The following DAZAP1 variants were observed in gnomAD, a reference collection of about 807,000 sequenced individuals.
DAZAP1 encodes the protein DAZ associated protein 1.
A neutral mutation model predicts 60.1 loss-of-function variants in DAZAP1; 6 were observed. The observed-to-expected ratio is 0.10, with a 90% confidence interval of 0.05 to 0.20. The LOEUF is 0.20. DAZAP1 is among the 10% of genes least tolerant of loss of function. DAZAP1 has a pLI of 1.00. For missense variants in DAZAP1, 366 were observed against 560.4 expected (o/e 0.65, Z 3.50); for synonymous variants, 235 against 215.9 (o/e 1.09, Z -0.78).
Position 1,434,072 on chromosome 19 carries a change from A to G in DAZAP1, c.1049-665A>G. 6 of 555,374 alleles carry G rather than the reference A, an allele frequency of 1.1e-5. No homozygotes were observed. The highest frequency in any genetic ancestry group is 1.6e-5 in the Non-Finnish European group (5 of 309,318). 34.4% of individuals were successfully genotyped at this position (555,374 alleles called of 1,614,324 possible). ...AGAGGTCGTGGGAGGGGCTTCCTGC[A>G]AGGTGTGCAGCGGGGTGGGGAGCGG... On this transcript the variant is annotated intron_variant, in intron 11 of 11. Transcript: ENST00000233078. This position sits in a 1 kb window ranked among gnomAD's most constrained non-coding sequence, Gnocchi z 8.0.
Position 1,407,791 on chromosome 19 carries a change from C to T in DAZAP1, c.18C>T (p.Ala6=). Residue 6 remains alanine, a synonymous_variant, in exon 1 of 12, where the codon GCC becomes GCT. Coordinates refer to ENST00000233078, the MANE Select transcript of DAZAP1 (RefSeq NM_018959.4). The stretch of plus-strand genomic sequence containing the variant: ...CCGCCGCCATGAACAACTCGGGCGC[C>T]GACGAGATCGGGTGAGGACGAGCGG... The part of the protein sequence containing the change: MNNSG[A]DEIGKLFVGG... 1.8e-6 allele frequency: 2 copies of T among 1,081,094 alleles called. No homozygotes were observed. The highest frequency in any genetic ancestry group is 4.3e-5 in the South Asian group (1 of 23,480). The allele number at this position is 1,081,094 out of a possible 1,614,324, so 67.0% of individuals were successfully genotyped here.
At chr19:1,431,490 C>G (rs1024256287) in intron 10 of DAZAP1, among the ~76,000 whole-genome samples, 2 of 151,808 alleles carry the variant, frequency 1.3e-5, no homozygotes, top group Admixed American at 1.3e-4. Flanking sequence ...AGTGCAGTGC[C>G]CCGATCTTGG....
chr19:1,414,676 C>T (rs973403115), intron 1 of DAZAP1, among the ~76,000 whole-genome samples: 1 of 151,808 alleles, frequency 6.6e-6, no homozygotes, highest in Non-Finnish European at 1.5e-5. Flanking sequence ...GCGGAGGTTG[C>T]AGTGAGCTGA....
chr19:1,408,417 C>G (rs1365409639), intron 1 of DAZAP1, among the ~76,000 whole-genome samples: 1 of 152,322 alleles, frequency 6.6e-6, no homozygotes, highest in South Asian at 2.1e-4. Flanking sequence ...TGGTCCGGGG[C>G]GCCCCCAGCG....
rs1211645017 is a variant in DAZAP1 at position 1,434,557 on chromosome 19, G to A, written c.1049-180G>A. The A allele has an allele frequency of 5.1e-6, 3 of 586,708 alleles. No homozygotes were observed. The highest frequency in any genetic ancestry group is 6.9e-5 in the Admixed American group (2 of 28,994). The allele number at this position is 586,708 out of a possible 1,614,324, so 36.3% of individuals were successfully genotyped here. On this transcript the variant is annotated intron_variant, in intron 11 of 11. Transcript: ENST00000233078. The surrounding 1 kb of genome is among the most constrained non-coding windows in gnomAD (Gnocchi z 8.0). ...CCCCTGCTCACATGTTTTTGAGGGA[G>A]AGAACATGCCCGGGGTCCTCTCCCC...
chr19:1,434,592 G>A lies in DAZAP1; in HGVS notation c.1049-145G>A. 1.4e-6 allele frequency: 1 copy of A among 727,728 alleles called. No individual in the cohort carries two copies. Among genetic ancestry groups the A allele is most frequent in the Non-Finnish European group, 2.3e-6 (1 of 442,562 alleles). 45.1% of individuals were successfully genotyped at this position (727,728 alleles called of 1,614,324 possible). Reference sequence around the variant, plus strand: ...CCGGGGTCCTCTCCCCGGCCCAGGTGCTGGCCTCAGAAGGGCCCCACCCGC... The same window carrying A: ...CCGGGGTCCTCTCCCCGGCCCAGGTACTGGCCTCAGAAGGGCCCCACCCGC... On this transcript the variant is annotated intron_variant, in intron 11 of 11. Coordinates refer to ENST00000233078, the MANE Select transcript of DAZAP1 (RefSeq NM_018959.4). This position sits in a 1 kb window ranked among gnomAD's most constrained non-coding sequence, Gnocchi z 8.0.
chr19:1,411,324 C>T (rs909997364), intron 1 of DAZAP1, among the ~76,000 whole-genome samples: 1 of 152,228 alleles, frequency 6.6e-6, no homozygotes, highest in Non-Finnish European at 1.5e-5. Flanking sequence ...CCTCCATTCA[C>T]TCCGGGTCAG....
chr19:1,433,640 A>G lies in DAZAP1; in HGVS notation c.1048+950A>G. ...AAACCCTGGCGTGTCTGAGACTGGC[A>G]GGGGGGTGTGAGGCGCCCGGTTGGG... On this transcript the variant is annotated intron_variant, in intron 11 of 11. Transcript: ENST00000233078. The surrounding 1 kb of genome is among the most constrained non-coding windows in gnomAD (Gnocchi z 6.1). 1 of 938,606 alleles carries G rather than the reference A, an allele frequency of 1.1e-6. No homozygotes were observed. Among genetic ancestry groups the G allele is most frequent in the African/African-American group, 1.6e-5 (1 of 61,292 alleles). The allele number at this position is 938,606 out of a possible 1,614,324, so 58.1% of individuals were successfully genotyped here. A position where few individuals can be genotyped will look rare whatever the true frequency, so the allele number is the denominator to read the frequency against.
Position 1,418,140 on chromosome 19 carries a change from T to C in DAZAP1, c.71-64T>C. ...GGAGGAGTGTGCGTGCCGGCAGCAC[T>C]GCCAGGCACGTGCCTAATGCTCTGG... is the stretch of plus-strand genomic sequence containing the variant. On this transcript the variant is annotated intron_variant, in intron 2 of 11. Transcript: ENST00000233078. This position sits in a 1 kb window ranked among gnomAD's most constrained non-coding sequence, Gnocchi z 5.7. 1 of 1,552,126 alleles carries C rather than the reference T, an allele frequency of 6.4e-7. No individual in the cohort carries two copies.
At chr19:1,415,590 G>A (rs548606126) in intron 1 of DAZAP1, 1 of 151,452 alleles carries the variant, frequency 6.6e-6, no homozygotes, top group Non-Finnish European at 1.5e-5. Context: ...CGCGGGCACA[G>A]CCTATGGAGA....
rs148283363 is a variant in DAZAP1, at chr19:1,422,201, G to A, written c.415-147G>A. 5.5e-3 allele frequency: 3,685 copies of A among 675,474 alleles called. 20 individuals are homozygous for A. Among genetic ancestry groups the A allele is most frequent in the Non-Finnish European group, 7.2e-3 (2,794 of 386,432 alleles). The allele number at this position is 675,474 out of a possible 1,614,324, so 41.8% of individuals were successfully genotyped here. A position where few individuals can be genotyped will look rare whatever the true frequency, so the allele number is the denominator to read the frequency against. On this transcript the variant is annotated intron_variant, in intron 5 of 11. Transcript: ENST00000233078. The surrounding 1 kb of genome is among the most constrained non-coding windows in gnomAD (Gnocchi z 4.5). ...AGCCTTTCTCAGACAGCAGCCCCAC[G>A]GAGCAGCTGTTGCCCGTGCACCTCC... is the stretch of plus-strand genomic sequence containing the variant.
chr19:1,409,341 C>T (rs1440491277), intron 1 of DAZAP1, among the ~76,000 whole-genome samples: 1 of 152,216 alleles, frequency 6.6e-6, no homozygotes, highest in East Asian at 1.9e-4. Flanking sequence ...TGGGCCCGCT[C>T]CACCCAAGCC....
At chr19:1,407,980 G>C (rs971966587) in intron 1 of DAZAP1, among the ~76,000 whole-genome samples, 178 bp downstream of exon 1, 5 of 151,292 alleles carry the variant, frequency 3.3e-5, no homozygotes, top group African/African-American at 1.2e-4. Flanking sequence ...GGGTGCCCGG[G>C]GTCTGGGGGG....
chr19:1,417,583 C>G (rs1356456449), intron 2 of DAZAP1, 43 bp downstream of exon 2: 3 of 1,566,080 alleles, frequency 1.9e-6, no homozygotes, highest in Non-Finnish European at 1.7e-6. Context: ...CAGATGGGCT[C>G]TAGGACCTCG....
At position 1,428,670 on chromosome 19, in the gene DAZAP1, AAG is replaced by A. The variant is rs1306365956; in HGVS notation, c.547-170_547-169del. 1 of 836,062 alleles carries A rather than the reference AAG, an allele frequency of 1.2e-6. No individual in the cohort carries two copies. The highest frequency in any genetic ancestry group is 1.8e-5 in the African/African-American group (1 of 56,230). 51.8% of individuals were successfully genotyped at this position (836,062 alleles called of 1,614,324 possible). ...TTTTAAACAAAAAAATTCAACACAA[AAG>A]AATTTTTTAAGAAAAAAATGCTACT... On this transcript the variant is annotated intron_variant, in intron 7 of 11. Transcript: ENST00000233078. The surrounding 1 kb of genome is among the most constrained non-coding windows in gnomAD (Gnocchi z 4.0).
intron 4 of DAZAP1, among the ~76,000 whole-genome samples, chr19:1,419,638 T>G (rs2083088218): frequency 6.6e-6 from 1 of 152,182 alleles, no homozygotes; most frequent in African/African-American, 2.4e-5. Flanking sequence ...GAATCCAAGG[T>G]TCATATTCCA....
intron 7 of DAZAP1, chr19:1,427,048 T>G (rs1351139395): frequency 6.6e-6 from 1 of 152,276 alleles, no homozygotes; most frequent in East Asian, 1.9e-4. Context: ...ACACGTGGCT[T>G]AGATTGGGTT....
In DAZAP1 at chr19:1,421,935, C is replaced by T. The variant is rs529000767; in HGVS notation, c.415-413C>T. 3.6e-3 allele frequency among the ~76,000 whole-genome samples: 553 copies of T among 152,266 alleles called. 2 individuals are homozygous for T. Among genetic ancestry groups the T allele is most frequent in the African/African-American group, 0.013 (525 of 41,552 alleles). On this transcript the variant is annotated intron_variant, in intron 5 of 11. Transcript: ENST00000233078. ...GCAGAGGAGCTGTGTGTGGCTGCCCCGCCACTTCGAGTGAGGGCCGAGCGT... is the reference window on the plus strand; with the variant it reads ...GCAGAGGAGCTGTGTGTGGCTGCCCTGCCACTTCGAGTGAGGGCCGAGCGT...
intron 1 of DAZAP1, among the ~76,000 whole-genome samples, 189 bp downstream of exon 1, chr19:1,407,991 G>A (rs528073661): frequency 6.6e-6 from 1 of 150,636 alleles, no homozygotes; most frequent in Middle Eastern, 3.5e-3. Context: ...GTCTGGGGGG[G>A]TCCTGGCGCC....
Sources: allele counts gnomAD v4.1 joint callset (sites outside exome capture counted in the v4.1 genomes callset), GRCh38; gene constraint gnomAD v4.1.1; non-coding constraint Gnocchi (gnomAD v3.1); transcripts MANE v1.5; gene names NCBI Gene and HGNC (gene_info 2026-07-23, HGNC 2026-07-21).